Variants in NINL observed in about 807,000 individuals in gnomAD.
NINL encodes ninein like.
In NINL, 153 loss-of-function variants were observed where a neutral mutation model predicts 160.3. That is an observed-to-expected ratio of 0.95 (90% confidence interval 0.84 to 1.09). The LOEUF (loss-of-function observed/expected upper bound fraction) is 1.09, where lower values mean the gene tolerates loss of function less well. Ranked by LOEUF, NINL falls within the 50% of genes least tolerant of loss-of-function variation. The pLI, the probability that NINL is intolerant of heterozygous loss-of-function variation, is 0.00. For synonymous variants in NINL, 800 were observed against 734.8 expected (o/e 1.09, Z -1.43); for missense variants, 1,829 against 1,764.0 (o/e 1.04, Z -0.66).
intron 19 of NINL, among the ~76,000 whole-genome samples, chr20:25,463,797 G>A (rs951751468): frequency 1.3e-5 from 2 of 152,110 alleles, no homozygotes; most frequent in Non-Finnish European, 2.9e-5. Flanking sequence ...TTTTCCATTT[G>A]GATTTACTCA....
intron 22 of NINL, among the ~76,000 whole-genome samples, chr20:25,456,148 C>G (rs2090670378): frequency 7.0e-6 from 1 of 143,566 alleles, no homozygotes; most frequent in Non-Finnish European, 1.5e-5. Context: ...GAGGCTGAGG[C>G]AGGAGAATCA....
At chr20:25,565,767 C>T (rs931620157) in intron 1 of NINL, among the ~76,000 whole-genome samples, 6 of 152,092 alleles carry the variant, frequency 3.9e-5, no homozygotes, top group Admixed American at 3.9e-4. Context: ...AAGATTTACC[C>T]TCAATGTGGG....
Position 25,477,041 on chromosome 20 carries a change from G to A in NINL, c.2250C>T (p.Ala750=). ...ELSGELSGLG[A]LPARRDLTLE... ...AGGTCAGGTCTCTGCGAGCGGGCAG[G>A]GCTCCCAGCCCCGACAGCTCTCCAC... Residue 750 remains alanine, a synonymous_variant, in exon 17 of 24, where the codon GCC becomes GCT. Coordinates refer to ENST00000278886, the MANE Select transcript of NINL (RefSeq NM_025176.6). 2 of 1,599,034 alleles carry A rather than the reference G, an allele frequency of 1.3e-6. No homozygotes were observed. The highest frequency in any genetic ancestry group is 2.2e-5 in the East Asian group (1 of 44,832).
At chr20:25,458,761 A>T in intron 21 of NINL, 1 of 501,516 alleles carries the variant, frequency 2.0e-6, no homozygotes. Flanking sequence ...CATGTCCATC[A>T]CCCTCAAAAT....
chr20:25,512,954 G>A lies in NINL; in HGVS notation c.330C>T (p.Gly110=), dbSNP rs771962435. Residue 110 remains glycine (G), a synonymous_variant, in exon 4 of 24, where the codon GGC becomes GGT. Coordinates refer to ENST00000278886, the MANE Select transcript of NINL (RefSeq NM_025176.6). The stretch of plus-strand genomic sequence containing the variant: ...CACATAGCTCAGGCCGGCTCCGACG[G>A]CCATACCACTTAGAACCATTCACAT... The part of the protein sequence containing the change: ...PKYVNGSKWY[G]RRSRPELCDA... The A allele has an allele frequency of 8.1e-6, 13 of 1,614,010 alleles. No individual in the cohort carries two copies. The highest frequency in any genetic ancestry group is 1.1e-5 in the Non-Finnish European group (13 of 1,179,904).
At chr20:25,573,155 G>T (rs1354800248) in intron 1 of NINL, among the ~76,000 whole-genome samples, 1 of 151,972 alleles carries the variant, frequency 6.6e-6, no homozygotes, top group Non-Finnish European at 1.5e-5. Flanking sequence ...AAATTAGCTG[G>T]GCATGGTGGC....
At chr20:25,457,799 G>A (rs896608844) in intron 22 of NINL, among the ~76,000 whole-genome samples, 2 of 152,202 alleles carry the variant, frequency 1.3e-5, no homozygotes, top group African/African-American at 4.8e-5. Context: ...CTGTGCTGGG[G>A]ACCCTTCAAG....
intron 13 of NINL, among the ~76,000 whole-genome samples, chr20:25,484,596 C>T (rs2063470453): frequency 1.3e-5 from 2 of 152,178 alleles, no homozygotes; most frequent in African/African-American, 4.8e-5. Context: ...TAATTAAAAA[C>T]CATAGGGAGG....
At chr20:25,580,737 G>T (rs1181189196) in intron 1 of NINL, among the ~76,000 whole-genome samples, 4 of 152,186 alleles carry the variant, frequency 2.6e-5, no homozygotes, top group African/African-American at 9.7e-5. Context: ...CAGAATCCAG[G>T]AGGCTCAAAG....
intron 16 of NINL, among the ~76,000 whole-genome samples, chr20:25,478,208 C>G (rs1350875260): frequency 6.6e-6 from 1 of 152,158 alleles, no homozygotes; most frequent in Non-Finnish European, 1.5e-5. Flanking sequence ...CCTTGGCCTC[C>G]CAAAGTGCTG....
At chr20:25,470,484 T>C (rs1321033912) in intron 17 of NINL, among the ~76,000 whole-genome samples, 1 of 152,166 alleles carries the variant, frequency 6.6e-6, no homozygotes, top group Non-Finnish European at 1.5e-5. Context: ...GCCCTGGCAG[T>C]GAACTCAGTG....
Position 25,494,183 on chromosome 20 carries a change from C to A in NINL, c.1310+2480G>T, listed in dbSNP as rs564453839. On this transcript the variant is annotated intron_variant, in intron 10 of 23. Transcript: ENST00000278886. ...CCCACATAGCACCACACAGGCCCCA[C>A]GCACACTCAGCAACCCCACTCAGCA... Among the ~76,000 whole-genome samples, 4 of 147,168 alleles carry A rather than the reference C, an allele frequency of 2.7e-5. No homozygotes were observed. In the South Asian group the frequency reaches 8.8e-4, roughly 33 times the overall value.
chr20:25,489,084 G>T (rs899519548), intron 13 of NINL, 160 bp downstream of exon 13: 2 of 699,884 alleles, frequency 2.9e-6, no homozygotes, highest in Non-Finnish European at 5.0e-6. Flanking sequence ...ACGAGAGCCA[G>T]GGAACCCTAA....
intron 17 of NINL, among the ~76,000 whole-genome samples, chr20:25,474,669 G>A (rs2063187289): frequency 6.6e-6 from 1 of 151,718 alleles, no homozygotes; most frequent in African/African-American, 2.4e-5. Flanking sequence ...GGAGTGCAGT[G>A]AGTGGTGTGA....
intron 1 of NINL, among the ~76,000 whole-genome samples, chr20:25,557,944 C>T (rs886700134): frequency 7.0e-6 from 1 of 142,562 alleles, no homozygotes; most frequent in African/African-American, 2.6e-5. Flanking sequence ...ACCTGGCCGA[C>T]ATGGTGAAAC....
intron 16 of NINL, 39 bp from the exon 17 acceptor site, chr20:25,477,128 C>T: frequency 6.6e-7 from 1 of 1,509,774 alleles, no homozygotes; most frequent in Non-Finnish European, 8.8e-7. Flanking sequence ...AGCCCTGCCG[C>T]CCCCAGCCCC....
At chr20:25,546,100 T>A (rs983574268) in intron 1 of NINL, among the ~76,000 whole-genome samples, 1 of 152,160 alleles carries the variant, frequency 6.6e-6, no homozygotes, top group Non-Finnish European at 1.5e-5. Flanking sequence ...GACAGAGTCG[T>A]GCCCTAACTG....
chr20:25,463,643 C>T (rs6138576), intron 19 of NINL, among the ~76,000 whole-genome samples: 24,035 of 152,222 alleles, frequency 0.16, 2,178 homozygotes, highest in East Asian at 0.35. Context: ...TTTTTCCCAC[C>T]GCAGCTCCTG....
At chr20:25,485,072 G>A (rs1238174643) in intron 13 of NINL, among the ~76,000 whole-genome samples, 1 of 152,142 alleles carries the variant, frequency 6.6e-6, no homozygotes, top group Non-Finnish European at 1.5e-5. Context: ...AAGCGAGGAG[G>A]ACAACATTCC....
Sources: allele counts gnomAD v4.1 joint callset (sites outside exome capture counted in the v4.1 genomes callset), GRCh38; gene constraint gnomAD v4.1.1; transcripts MANE v1.5; gene names NCBI Gene and HGNC (gene_info 2026-07-23, HGNC 2026-07-21).